The following NLRP2 variants were observed in gnomAD, a reference collection of about 807,000 sequenced individuals.
NLRP2 encodes NACHT, LRR and PYD domains-containing protein 2.
NLRP2 carries 107 observed loss-of-function variants against 97.2 expected under a neutral mutation model. That is an observed-to-expected ratio of 1.10 (90% CI 0.94 to 1.29). The LOEUF is 1.29. Among genes scored for constraint, NLRP2 ranks in the 50% most tolerant of loss-of-function variants. The pLI is 0.00. For missense variants in NLRP2, 1,495 were observed against 1,330.3 expected (o/e 1.12, Z -1.93); for synonymous variants, 663 against 551.5 (o/e 1.20, Z -2.83).
rs375844363 is a variant in NLRP2 at position 54,991,812 on chromosome 19, G to A, written c.2708+1140G>A. 3.9e-4 allele frequency among the ~76,000 whole-genome samples: 57 copies of A among 147,232 alleles called. No individual in the cohort carries two copies. The East Asian group carries it at 7.0e-3, about 18-fold the overall frequency. On this transcript the variant is annotated intron_variant, in intron 10 of 12. Transcript: ENST00000448584. The stretch of plus-strand genomic sequence containing the variant: ...TGAAGTCGGGAGGTTGCAGTGAGCC[G>A]AGATCGTGCCAGCCTGGGTGACAGA...
chr19:54,990,141 A>G lies in NLRP2; in HGVS notation c.2486A>G (p.Lys829Arg), dbSNP rs201725128. The G allele has an allele frequency of 1.2e-6, 2 of 1,614,136 alleles. No homozygotes were observed. Among genetic ancestry groups the G allele is most frequent in the African/African-American group, 1.3e-5 (1 of 75,030 alleles). The change falls in exon 9 of 13, where the codon AAG becomes AGG. Residue 829 changes from lysine (K) to arginine (R), a missense_variant. Physicochemically the swap from Lys to Arg is conservative, Grantham distance 26. Transcript: ENST00000448584. ...AATGAGCTTCTGGATGAGGGTGCTA[A>G]GTTGCTGTACACAACTTTGAGACAC... ...SDNELLDEGAKLLYTTLRHPK... is the reference protein window; with the variant it reads ...SDNELLDEGARLLYTTLRHPK...
intron 8 of NLRP2, 186 bp downstream of exon 8, chr19:54,986,501 G>T (rs1024521349): frequency 3.1e-6 from 2 of 649,058 alleles, no homozygotes; most frequent in East Asian, 5.5e-5. Flanking sequence ...TAAACACCCT[G>T]GACAACCATA....
chr19:54,985,104 A>G lies in NLRP2; in HGVS notation c.2088A>G (p.Gly696=). The change falls in exon 7 of 13, where the codon GGA becomes GGG. Residue 696 remains glycine (G), a synonymous_variant. Coordinates refer to ENST00000448584, the MANE Select transcript of NLRP2 (RefSeq NM_017852.5). ...GGACGGACCTTTGTTCCATATTTGGATCAAATAAGGATCTGATGGGTCTAG... is the reference window on the plus strand; with the variant it reads ...GGACGGACCTTTGTTCCATATTTGGGTCAAATAAGGATCTGATGGGTCTAG... ...PFWTDLCSIF[G]SNKDLMGLAI... is the part of the protein sequence containing the mutation. 1.2e-6 allele frequency: 2 copies of G among 1,613,970 alleles called. No individual in the cohort carries two copies. Among genetic ancestry groups the G allele is most frequent in the Non-Finnish European group, 1.7e-6 (2 of 1,179,910 alleles).
chr19:54,974,286 A>G (rs2071056642), intron 2 of NLRP2: 1 of 611,378 alleles, frequency 1.6e-6, no homozygotes, highest in Non-Finnish European at 2.9e-6. Context: ...CCTGGGAGGC[A>G]GAGGTTGCAG....
intron 2 of NLRP2, among the ~76,000 whole-genome samples, chr19:54,970,927 C>T (rs1032989916): frequency 5.6e-4 from 79 of 140,800 alleles, no homozygotes; most frequent in African/African-American, 1.9e-3. Context: ...CCCACTAACT[C>T]GTCATCTAGC....
intron 3 of NLRP2, among the ~76,000 whole-genome samples, chr19:54,975,226 T>G (rs1040889776): frequency 2.8e-5 from 4 of 144,648 alleles, no homozygotes; most frequent in Admixed American, 1.4e-4. Flanking sequence ...GCTCTGGTGA[T>G]CCTCCTGCCT....
intron 11 of NLRP2, 114 bp downstream of exon 11, chr19:54,994,553 T>A: frequency 9.3e-7 from 1 of 1,071,578 alleles, no homozygotes; most frequent in Non-Finnish European, 1.4e-6. Flanking sequence ...AGGACCTTTA[T>A]AGAGTCGATC....
Position 54,985,330 on chromosome 19 carries a change from A to G in NLRP2, c.2201+113A>G, listed in dbSNP as rs577251728. ...CTAGACTCTTAAGTGCTCGAGACAC[A>G]GGGAATTGAGAGAGTCCTGTCCTTA... On this transcript the variant is annotated intron_variant, in intron 7 of 12. Coordinates refer to ENST00000448584, the MANE Select transcript of NLRP2 (RefSeq NM_017852.5). 6.9e-5 allele frequency: 69 copies of G among 995,256 alleles called. 5 individuals are homozygous for G. In the South Asian group the frequency reaches 8.8e-4, roughly 13 times the overall value. 61.7% of individuals were successfully genotyped at this position (995,256 alleles called of 1,614,324 possible).
At chr19:54,974,379 G>C (rs1268747663) in intron 2 of NLRP2, 121 bp from the exon 3 acceptor site, 1 of 802,082 alleles carries the variant, frequency 1.2e-6, no homozygotes, top group Non-Finnish European at 2.2e-6. Flanking sequence ...TTTTGAACTG[G>C]AAGGAGATAA....
At chr19:54,976,491 C>T (rs932996660) in intron 3 of NLRP2, among the ~76,000 whole-genome samples, 4 of 150,326 alleles carry the variant, frequency 2.7e-5, no homozygotes, top group Non-Finnish European at 4.4e-5. Context: ...GGATTACAGG[C>T]GCCTACCACC....
At chr19:54,997,202 G>A in intron 11 of NLRP2, 115 bp from the exon 12 acceptor site, 3 of 1,091,444 alleles carry the variant, frequency 2.7e-6, no homozygotes, top group Non-Finnish European at 4.2e-6. Flanking sequence ...ACCGTGCCCG[G>A]CCTGAGACTT....
In NLRP2 at chr19:54,977,695, C is replaced by G. The variant is rs369223130; in HGVS notation, c.326-57C>G. ...GACTCAGGGGTCCAACTTGAGCCAT[C>G]TTGGAGTCCCACTGCCAGCACAGCA... is the stretch of plus-strand genomic sequence containing the variant. On this transcript the variant is annotated intron_variant, in intron 3 of 12. Coordinates refer to ENST00000448584, the MANE Select transcript of NLRP2 (RefSeq NM_017852.5). 1.2e-5 allele frequency: 19 copies of G among 1,557,272 alleles called. No individual in the cohort carries two copies. The African/African-American group carries it at 2.3e-4, about 19-fold the overall frequency.
At chr19:54,983,798 A>G (rs778038694) in intron 6 of NLRP2, 70 bp downstream of exon 6, 17 of 1,589,592 alleles carry the variant, frequency 1.1e-5, no homozygotes, top group Non-Finnish European at 1.5e-5. Flanking sequence ...GGAAGAGGCC[A>G]GAGCCTCCTA....
intron 10 of NLRP2, among the ~76,000 whole-genome samples, chr19:54,992,361 G>A (rs2072528776): frequency 6.6e-6 from 1 of 151,890 alleles, no homozygotes. Context: ...CATGGCTGGA[G>A]ACGATGAGTA....
At chr19:54,987,356 TG>T (rs1449370633) in intron 8 of NLRP2, among the ~76,000 whole-genome samples, 3 of 152,150 alleles carry the variant, frequency 2.0e-5, no homozygotes, top group African/African-American at 7.2e-5. Context: ...GCTCTCCCCT[TG>T]GGAAGCTGTC....
intron 11 of NLRP2, 88 bp downstream of exon 11, chr19:54,994,527 A>G: frequency 7.2e-7 from 1 of 1,387,054 alleles, no homozygotes; most frequent in Admixed American, 1.7e-5. Flanking sequence ...CCGACTTCCC[A>G]AGTTATATAA....
intron 1 of NLRP2, among the ~76,000 whole-genome samples, chr19:54,967,681 G>A (rs916114599): frequency 6.6e-6 from 1 of 151,980 alleles, no homozygotes; most frequent in Non-Finnish European, 1.5e-5. Flanking sequence ...AGATGCTGTG[G>A]TTGCTGTGTG....
intron 6 of NLRP2, among the ~76,000 whole-genome samples, chr19:54,984,781 T>A (rs910918999): frequency 1.3e-5 from 2 of 151,644 alleles, no homozygotes; most frequent in East Asian, 3.9e-4. Flanking sequence ...CCGTGCCCGG[T>A]CTATATTCTC....
At chr19:54,968,616 C>G (rs1029872767) in intron 1 of NLRP2, among the ~76,000 whole-genome samples, 13 of 151,824 alleles carry the variant, frequency 8.6e-5, no homozygotes, top group Non-Finnish European at 1.6e-4. Flanking sequence ...AGGTGTGAGC[C>G]ATGGCCCCCC....
Sources: allele counts gnomAD v4.1 joint callset (sites outside exome capture counted in the v4.1 genomes callset), GRCh38; gene constraint gnomAD v4.1.1; transcripts MANE v1.5; gene names NCBI Gene and HGNC (gene_info 2026-07-23, HGNC 2026-07-21).